CNTN1: variants seen among roughly 807,000 people sequenced by gnomAD.
CNTN1 encodes contactin-1.
Under a neutral mutation model 126.4 loss-of-function variants are expected in CNTN1, and 38 were observed. The observed-to-expected ratio is 0.30, with a 90% CI of 0.23 to 0.39. CNTN1 has a LOEUF of 0.39. CNTN1 is among the 10% of genes least tolerant of loss of function. CNTN1 has a pLI of 1.00. For synonymous variants in CNTN1, 413 were observed against 422.6 expected, an observed-to-expected ratio of 0.98 and a Z score of 0.28; for missense variants, 1,009 against 1,248.4, an observed-to-expected ratio of 0.81 and a Z score of 2.89.
At chr12:40,724,631 C>A (rs2121231956) in intron 1 of CNTN1, among the ~76,000 whole-genome samples, 1 of 152,260 alleles carries the variant, frequency 6.6e-6, no homozygotes, top group Non-Finnish European at 1.5e-5. Context: ...AGACTGTCCT[C>A]CGTGATCATG....
chr12:40,984,647 G>A (rs1454400302), intron 16 of CNTN1, among the ~76,000 whole-genome samples: 1 of 152,068 alleles, frequency 6.6e-6, no homozygotes, highest in Non-Finnish European at 1.5e-5. Flanking sequence ...CCTCTTATTA[G>A]GCCCCACCTC....
At position 41,033,918 on chromosome 12, in the gene CNTN1, C is replaced by T. The variant is rs557821177; in HGVS notation, c.2980+4699C>T. Among the ~76,000 whole-genome samples the T allele has an allele frequency of 8.0e-4, 119 of 149,434 alleles. 1 individual carries two copies. The highest frequency in any genetic ancestry group is 7.3e-3 in the Admixed American group (110 of 14,998). On this transcript the variant is annotated intron_variant, in intron 23 of 23. Transcript: ENST00000551295. The stretch of plus-strand genomic sequence containing the variant: ...AAAAAAAATTAGCCGGGCGTGGTGG[C>T]GGGCACCTGTAGTCCCACCTACTCG...
chr12:40,707,221 CTTTTTCTTTTTTTTTTTTTTTTTTTTT>C (rs1375820854), intron 1 of CNTN1, among the ~76,000 whole-genome samples: 9 of 119,450 alleles, frequency 7.5e-5, no homozygotes, highest in African/African-American at 3.3e-4. Flanking sequence ...CATTTCTTTT[CTTTTTCTTTTTTTTTTTTTTTTTTTTT>C]TTTTTTTTTT....
intron 1 of CNTN1, among the ~76,000 whole-genome samples, chr12:40,807,100 C>T (rs905370180): frequency 7.9e-5 from 12 of 151,902 alleles, no homozygotes; most frequent in Non-Finnish European, 1.3e-4. Context: ...TGATTCTATA[C>T]CTGGAGAGGA....
chr12:40,718,687 G>A (rs1281938830), intron 1 of CNTN1, among the ~76,000 whole-genome samples: 1 of 152,130 alleles, frequency 6.6e-6, no homozygotes, highest in Non-Finnish European at 1.5e-5. Flanking sequence ...GGCACTGTGA[G>A]GTAGACTACT....
chr12:40,933,064 G>GT (rs1945948359), intron 7 of CNTN1, among the ~76,000 whole-genome samples: 1 of 150,774 alleles, frequency 6.6e-6, no homozygotes, highest in African/African-American at 2.4e-5. Flanking sequence ...TTTCTCCTTA[G>GT]TTTCTTGCCT....
intron 16 of CNTN1, among the ~76,000 whole-genome samples, chr12:40,987,801 G>A (rs1035848912): frequency 1.3e-5 from 2 of 152,024 alleles, no homozygotes; most frequent in African/African-American, 2.4e-5. Context: ...TTATATAATC[G>A]CTCTGCAATA....
intron 16 of CNTN1, among the ~76,000 whole-genome samples, chr12:40,992,242 A>G (rs1028783675): frequency 3.3e-5 from 5 of 152,170 alleles, no homozygotes; most frequent in Non-Finnish European, 4.4e-5. Flanking sequence ...CCAAAAGTAG[A>G]AACTGGACCC....
intron 1 of CNTN1, among the ~76,000 whole-genome samples, chr12:40,727,150 GA>G (rs1289752538): frequency 1.3e-5 from 2 of 151,002 alleles, no homozygotes; most frequent in African/African-American, 4.8e-5. Context: ...TAAATGTGAT[GA>G]TTACACTTCT....
chr12:40,802,339 A>C (rs1940687473), intron 1 of CNTN1, among the ~76,000 whole-genome samples: 1 of 152,018 alleles, frequency 6.6e-6, no homozygotes, highest in Admixed American at 6.6e-5. Flanking sequence ...TATGACACCC[A>C]GGTGTAAATA....
intron 14 of CNTN1, among the ~76,000 whole-genome samples, chr12:40,958,027 G>A (rs1946954231): frequency 6.6e-6 from 1 of 151,978 alleles, no homozygotes; most frequent in Admixed American, 6.6e-5. Context: ...ATTTATCACT[G>A]AAATAGTAAA....
intron 1 of CNTN1, among the ~76,000 whole-genome samples, chr12:40,747,320 T>TGTGTGTGC (rs1938225301): frequency 6.6e-6 from 1 of 151,734 alleles, no homozygotes; most frequent in Non-Finnish European, 1.5e-5. Flanking sequence ...TGTGTGTGTG[T>TGTGTGTGC]GTGTGTGTGT....
intron 23 of CNTN1, among the ~76,000 whole-genome samples, chr12:41,036,280 T>C (rs1165140057): frequency 6.6e-6 from 1 of 152,128 alleles, no homozygotes; most frequent in East Asian, 1.9e-4. Flanking sequence ...GGAGGGAATG[T>C]AGTGTCCACA....
intron 23 of CNTN1, among the ~76,000 whole-genome samples, chr12:41,059,514 T>C (rs997387173): frequency 7.9e-5 from 12 of 152,212 alleles, no homozygotes; most frequent in African/African-American, 2.7e-4. Flanking sequence ...GCAGCCAGGA[T>C]GTAGAGGAAA....
intron 1 of CNTN1, among the ~76,000 whole-genome samples, chr12:40,707,205 C>T (rs535436147): frequency 2.7e-5 from 4 of 147,136 alleles, no homozygotes; most frequent in Admixed American, 2.0e-4. Flanking sequence ...TCTCCTTTTC[C>T]TCTTTCATTT....
At chr12:40,967,894 ATAATT>A (rs1264396201) in intron 15 of CNTN1, among the ~76,000 whole-genome samples, 1 of 150,826 alleles carries the variant, frequency 6.6e-6, no homozygotes, top group African/African-American at 2.4e-5. Context: ...ATATAATTAT[ATAATT>A]TAATATATAA....
intron 1 of CNTN1, among the ~76,000 whole-genome samples, chr12:40,846,100 GA>G (rs750288614): frequency 2.0e-5 from 3 of 152,026 alleles, no homozygotes; most frequent in African/African-American, 7.2e-5. Flanking sequence ...GAGGAAGTTA[GA>G]AAAACAGTAA....
At chr12:40,721,961 T>C (rs932048843) in intron 1 of CNTN1, among the ~76,000 whole-genome samples, 1 of 151,162 alleles carries the variant, frequency 6.6e-6, no homozygotes, top group African/African-American at 2.4e-5. Context: ...TTGTTGGACA[T>C]TTGGGTTGGT....
intron 1 of CNTN1, among the ~76,000 whole-genome samples, chr12:40,825,688 CT>C (rs1166137579): frequency 6.6e-6 from 1 of 152,064 alleles, no homozygotes; most frequent in African/African-American, 2.4e-5. Flanking sequence ...TCTACTTTTC[CT>C]CCATCATTTC....
Sources: gnomAD v4.1 joint callset for allele counts (sites outside exome capture counted in the v4.1 genomes callset) on GRCh38, gnomAD v4.1.1 for gene constraint, MANE v1.5 for transcripts, NCBI Gene and HGNC (gene_info 2026-07-23, HGNC 2026-07-21) for gene names.